GRM5: variants seen among roughly 807,000 people sequenced by gnomAD.
The protein encoded by GRM5 is metabotropic glutamate receptor 5.
Under a neutral mutation model 83.1 loss-of-function variants are expected in GRM5, and 19 were observed. The ratio of observed to expected loss-of-function variants is 0.23; its 90% CI spans 0.16 to 0.34. The LOEUF (loss-of-function observed/expected upper bound fraction) is 0.34. Among genes scored for constraint, GRM5 ranks in the 10% least tolerant of loss-of-function variants. The probability of loss-of-function intolerance (pLI) is 1.00; values close to 1 mark genes in which losing one functional copy is unlikely to be tolerated. For missense variants in GRM5, 1,160 were observed against 1,588.3 expected (o/e 0.73, Z 4.58); for synonymous variants, 675 against 633.6 (o/e 1.07, Z -0.98).
At chr11:88,900,112 A>G (rs1019207921) in intron 2 of GRM5, among the ~76,000 whole-genome samples, 6 of 152,182 alleles carry the variant, frequency 3.9e-5, no homozygotes, top group Non-Finnish European at 8.8e-5. Context: ...ATAAAAAATG[A>G]AGCAGAGACA....
intron 2 of GRM5, among the ~76,000 whole-genome samples, chr11:88,963,032 T>C (rs1250558687): frequency 6.6e-6 from 1 of 152,176 alleles, no homozygotes; most frequent in Non-Finnish European, 1.5e-5. Context: ...GAGGTTGCAG[T>C]GAGCTGAGAT....
chr11:88,960,647 A>C (rs1313062116), intron 2 of GRM5, among the ~76,000 whole-genome samples: 1 of 152,138 alleles, frequency 6.6e-6, no homozygotes, highest in East Asian at 1.9e-4. Context: ...AATACCCAGA[A>C]ATTTTAGGAA....
intron 3 of GRM5, among the ~76,000 whole-genome samples, chr11:88,729,179 T>A (rs756110638): frequency 7.2e-5 from 11 of 152,102 alleles, no homozygotes; most frequent in Non-Finnish European, 1.5e-4. Context: ...CAGCAAAATC[T>A]CAGGATACAA....
intron 2 of GRM5, among the ~76,000 whole-genome samples, chr11:88,913,955 G>A (rs892832127): frequency 2.6e-5 from 4 of 152,082 alleles, no homozygotes; most frequent in Non-Finnish European, 5.9e-5. Flanking sequence ...GGGTATTAAT[G>A]GTTTCCTGCT....
chr11:88,518,771 C>T (rs542029223), intron 9 of GRM5, among the ~76,000 whole-genome samples: 23 of 151,518 alleles, frequency 1.5e-4, no homozygotes, highest in African/African-American at 3.9e-4. Flanking sequence ...TCCATCAGAG[C>T]GAGTTTTATT....
intron 2 of GRM5, among the ~76,000 whole-genome samples, chr11:89,012,170 C>A (rs963635920): frequency 6.6e-6 from 1 of 151,628 alleles, no homozygotes. Flanking sequence ...AGCAGAAAAT[C>A]GACAATCAGA....
At chr11:88,647,342 A>G (rs1939488950) in intron 4 of GRM5, among the ~76,000 whole-genome samples, 1 of 146,056 alleles carries the variant, frequency 6.8e-6, no homozygotes, top group African/African-American at 2.4e-5. Flanking sequence ...GGCACTCCTT[A>G]AAAAAAGTAT....
chr11:88,675,899 A>G (rs1196121170), intron 3 of GRM5, among the ~76,000 whole-genome samples: 1 of 152,054 alleles, frequency 6.6e-6, no homozygotes, highest in African/African-American at 2.4e-5. Flanking sequence ...ATGGAAGTAC[A>G]GAAATAACAG....
intron 4 of GRM5, among the ~76,000 whole-genome samples, chr11:88,633,776 C>T (rs550952545): frequency 6.6e-6 from 1 of 152,270 alleles, no homozygotes; most frequent in East Asian, 1.9e-4. Context: ...TTGACTTGGC[C>T]TTCCAAAGTG....
chr11:88,629,324 C>G (rs1938893222), intron 4 of GRM5, among the ~76,000 whole-genome samples: 1 of 152,166 alleles, frequency 6.6e-6, no homozygotes, highest in Non-Finnish European at 1.5e-5. Flanking sequence ...CATTCTCTAG[C>G]TCAAATATGT....
chr11:88,954,350 G>A (rs1372671096), intron 2 of GRM5, among the ~76,000 whole-genome samples: 2 of 108,506 alleles, frequency 1.8e-5, no homozygotes, highest in Non-Finnish European at 4.1e-5. Context: ...ATTTTGTAGT[G>A]TTCTTCTAGA....
In GRM5 at chr11:88,508,830, T is replaced by C. The variant is rs778166364; in HGVS notation, c.3401A>G (p.Gln1134Arg). The change falls in exon 10 of 10, where the codon CAG (glutamine) becomes CGG (arginine). Residue 1134 changes from glutamine to arginine, a missense_variant. Gln to Arg is a conservative substitution (Grantham distance 43). This residue lies in a region of GRM5 where 562 missense variants were observed against 532.4 expected (regional missense o/e 1.06). Coordinates refer to ENST00000305447, the MANE Select transcript of GRM5 (RefSeq NM_001143831.3). This position sits in a 1 kb window ranked among gnomAD's most constrained non-coding sequence, Gnocchi z 4.2. ...CTCCCGGGCCGCGTCCCCAGCCGCCTGCGCCCCTGCCGCGGGCTGCGCGCC... is the reference window on the plus strand; with the variant it reads ...CTCCCGGGCCGCGTCCCCAGCCGCCCGCGCCCCTGCCGCGGGCTGCGCGCC... ...TGGAQPAAGA[Q>R]AAGDAARESP... is the part of the protein sequence containing the mutation. The C allele has an allele frequency of 1.2e-5, 18 of 1,539,760 alleles. No individual in the cohort carries two copies. The highest frequency in any genetic ancestry group is 1.6e-5 in the Non-Finnish European group (18 of 1,143,466).
At chr11:88,574,365 T>C (rs1011063388) in intron 7 of GRM5, among the ~76,000 whole-genome samples, 4 of 152,136 alleles carry the variant, frequency 2.6e-5, no homozygotes, top group Non-Finnish European at 5.9e-5. Context: ...CTAAAATCAA[T>C]TCACTACACC....
intron 2 of GRM5, among the ~76,000 whole-genome samples, chr11:89,018,572 A>G (rs1415576026): frequency 6.6e-6 from 1 of 152,154 alleles, no homozygotes; most frequent in Non-Finnish European, 1.5e-5. Context: ...CCCAAATGCT[A>G]TGAGAGGCAC....
intron 3 of GRM5, among the ~76,000 whole-genome samples, chr11:88,654,483 G>A (rs983140028): frequency 2.0e-5 from 3 of 152,072 alleles, no homozygotes; most frequent in Non-Finnish European, 2.9e-5. Context: ...GCAAGTGCTT[G>A]TAAAGGAAGT....
At chr11:88,937,071 T>G (rs191441838) in intron 2 of GRM5, among the ~76,000 whole-genome samples, 1 of 151,700 alleles carries the variant, frequency 6.6e-6, no homozygotes, top group East Asian at 1.9e-4. Context: ...TTGAGAGTAA[T>G]TTAAAAAAAC....
intron 3 of GRM5, among the ~76,000 whole-genome samples, chr11:88,757,396 G>T (rs1353989812): frequency 6.6e-6 from 1 of 152,068 alleles, no homozygotes; most frequent in African/African-American, 2.4e-5. Context: ...CTACCCTACT[G>T]CCATTGCAGT....
intron 3 of GRM5, among the ~76,000 whole-genome samples, chr11:88,767,826 A>G (rs1942652560): frequency 6.6e-6 from 1 of 151,700 alleles, no homozygotes; most frequent in Non-Finnish European, 1.5e-5. Context: ...CCAGAACCTA[A>G]AAAAAAATTA....
chr11:88,879,000 G>C (rs1252989652), intron 2 of GRM5, among the ~76,000 whole-genome samples: 2 of 152,032 alleles, frequency 1.3e-5, no homozygotes, highest in Non-Finnish European at 2.9e-5. Context: ...CCTAGTTCTG[G>C]TGATAAAAAT....
Sources: gnomAD v4.1 joint callset for allele counts (sites outside exome capture counted in the v4.1 genomes callset) on GRCh38, gnomAD v4.1.1 for gene constraint, gnomAD v4.1.1 regional missense constraint, Gnocchi (gnomAD v3.1) non-coding constraint, MANE v1.5 for transcripts, NCBI Gene and HGNC (gene_info 2026-07-23, HGNC 2026-07-21) for gene names.